Variants in SNX29 observed in about 807,000 individuals in gnomAD.
SNX29 encodes the protein sorting nexin 29, also known as sorting nexin-29.
SNX29 carries 78 observed loss-of-function variants against 102.1 expected under a neutral mutation model. The observed-to-expected ratio is 0.76, with a 90% confidence interval of 0.64 to 0.92. The LOEUF is 0.92. Among genes scored for constraint, SNX29 ranks in the 40% least tolerant of loss-of-function variants. The probability of loss-of-function intolerance (pLI) is 0.00; values close to 1 mark genes in which losing one functional copy is unlikely to be tolerated. For missense variants in SNX29, 1,280 were observed against 1,061.7 expected, an observed-to-expected ratio of 1.21 and a Z score of -2.86; for synonymous variants, 580 against 414.5, an observed-to-expected ratio of 1.40 and a Z score of -4.85.
At chr16:12,519,539 C>G (rs2090011466) in intron 19 of SNX29, among the ~76,000 whole-genome samples, 1 of 152,132 alleles carries the variant, frequency 6.6e-6, no homozygotes, top group African/African-American at 2.4e-5. Context: ...GAAATACACA[C>G]TGAAGTATTT....
intron 13 of SNX29, among the ~76,000 whole-genome samples, chr16:12,196,233 G>A (rs1287822512): frequency 6.6e-6 from 1 of 151,964 alleles, no homozygotes; most frequent in Non-Finnish European, 1.5e-5. Context: ...GCCTCCCCAG[G>A]TGGGTAGCAT....
At chr16:12,362,217 T>C (rs1018506171) in intron 16 of SNX29, among the ~76,000 whole-genome samples, 1 of 152,236 alleles carries the variant, frequency 6.6e-6, no homozygotes, top group South Asian at 2.1e-4. Flanking sequence ...TTCCCGTTTT[T>C]GTTTTTACAG....
At chr16:12,280,489 C>T (rs1009149748) in intron 15 of SNX29, among the ~76,000 whole-genome samples, 4 of 152,126 alleles carry the variant, frequency 2.6e-5, no homozygotes, top group Admixed American at 6.5e-5. Context: ...CATGAAGGTT[C>T]GTCTTACTGG....
intron 16 of SNX29, among the ~76,000 whole-genome samples, chr16:12,396,458 T>C (rs142648564): frequency 6.6e-6 from 1 of 152,146 alleles, no homozygotes; most frequent in African/African-American, 2.4e-5. Context: ...TCCTGATGGC[T>C]TGTGAGTCCC....
chr16:12,511,904 CGGCGTTG>C (rs2089638318), intron 19 of SNX29, among the ~76,000 whole-genome samples: 1 of 151,506 alleles, frequency 6.6e-6, no homozygotes. Context: ...AACCACTGGA[CGGCGTTG>C]GGCAGGGCAG....
intron 15 of SNX29, among the ~76,000 whole-genome samples, chr16:12,345,849 A>G (rs1425636968): frequency 1.3e-5 from 2 of 152,174 alleles, no homozygotes; most frequent in Non-Finnish European, 2.9e-5. Flanking sequence ...TGCCATGCCA[A>G]GAAAATTAGT....
At chr16:12,066,197 C>G (rs1044020572) in intron 9 of SNX29, among the ~76,000 whole-genome samples, 2 of 152,156 alleles carry the variant, frequency 1.3e-5, no homozygotes, top group Non-Finnish European at 2.9e-5. Flanking sequence ...GGAATGTAGT[C>G]TGACTCTGCA....
chr16:12,432,014 G>T (rs2085337026), intron 18 of SNX29, among the ~76,000 whole-genome samples: 2 of 152,222 alleles, frequency 1.3e-5, no homozygotes, highest in Non-Finnish European at 1.5e-5. Flanking sequence ...AGGAGTGCAG[G>T]CTTAATAAAC....
chr16:12,221,320 G>A (rs942286332), intron 14 of SNX29, among the ~76,000 whole-genome samples: 26 of 152,228 alleles, frequency 1.7e-4, no homozygotes, highest in African/African-American at 6.0e-4. Flanking sequence ...CCTGTCCAAA[G>A]GGTGACCAGA....
At chr16:12,481,161 A>G (rs2087888673) in intron 19 of SNX29, among the ~76,000 whole-genome samples, 1 of 152,056 alleles carries the variant, frequency 6.6e-6, no homozygotes, top group African/African-American at 2.4e-5. Flanking sequence ...TTGAGAATAA[A>G]AGACACCATC....
intron 4 of SNX29, among the ~76,000 whole-genome samples, chr16:12,037,558 G>A (rs935365801): frequency 6.6e-6 from 1 of 152,112 alleles, no homozygotes; most frequent in Non-Finnish European, 1.5e-5. Context: ...GCCTGCCCTG[G>A]GTTAGCTGTC....
chr16:12,144,770 G>C (rs948137812), intron 13 of SNX29, among the ~76,000 whole-genome samples: 4 of 152,228 alleles, frequency 2.6e-5, no homozygotes, highest in African/African-American at 9.6e-5. Context: ...TACCCAGGCT[G>C]GACTGCAATG....
intron 20 of SNX29, among the ~76,000 whole-genome samples, chr16:12,542,160 C>T (rs902591981): frequency 5.3e-5 from 8 of 152,182 alleles, no homozygotes; most frequent in African/African-American, 1.7e-4. Flanking sequence ...TGGGCTCCTG[C>T]TGGGTGTCAG....
chr16:12,537,527 G>A (rs917037321), intron 20 of SNX29, among the ~76,000 whole-genome samples: 1 of 152,154 alleles, frequency 6.6e-6, no homozygotes, highest in Admixed American at 6.5e-5. Context: ...AGGATTAAAG[G>A]AAATATTACC....
In SNX29 at chr16:11,978,160, G is replaced by A. The variant is rs144898223; in HGVS notation, c.7+1347G>A. ...GAAATGGACAGTCCTAATAATGAGG[G>A]GGCTGGTGAGGGGGAGTTTCCTGGG... On this transcript the variant is annotated intron_variant, in intron 1 of 20. Coordinates refer to ENST00000566228, the MANE Select transcript of SNX29 (RefSeq NM_032167.5). Among the ~76,000 whole-genome samples, 807 of 152,244 alleles carry A rather than the reference G, an allele frequency of 5.3e-3. 7 individuals are homozygous for A. Among genetic ancestry groups the A allele is most frequent in the African/African-American group, 0.019 (775 of 41,546 alleles).
At chr16:12,485,738 G>A (rs539808520) in intron 19 of SNX29, among the ~76,000 whole-genome samples, 259 of 152,330 alleles carry the variant, frequency 1.7e-3, no homozygotes, top group Non-Finnish European at 3.0e-3. Context: ...TCCTTAAGAA[G>A]CTGGCAGTCT....
chr16:12,509,332 C>G (rs984479894), intron 19 of SNX29, among the ~76,000 whole-genome samples: 1 of 152,178 alleles, frequency 6.6e-6, no homozygotes, highest in South Asian at 2.1e-4. Context: ...CTCAGCTGGT[C>G]CAGGGCCCAC....
chr16:12,128,714 A>C (rs898200991), intron 12 of SNX29, among the ~76,000 whole-genome samples: 1 of 152,082 alleles, frequency 6.6e-6, no homozygotes, highest in African/African-American at 2.4e-5. Flanking sequence ...TGGCCTCCCT[A>C]AGTGCTGGAT....
chr16:12,366,002 A>C (rs928857881), intron 16 of SNX29, among the ~76,000 whole-genome samples: 3 of 132,808 alleles, frequency 2.3e-5, no homozygotes, highest in African/African-American at 8.3e-5. Context: ...AGATCGTGCC[A>C]CTGCACTCCA....
Sources: allele counts gnomAD v4.1 joint callset (sites outside exome capture counted in the v4.1 genomes callset), GRCh38; gene constraint gnomAD v4.1.1; transcripts MANE v1.5; gene names NCBI Gene and HGNC (gene_info 2026-07-23, HGNC 2026-07-21).